Variants in TMX3 observed in about 807,000 individuals in gnomAD.
TMX3 encodes protein disulfide-isomerase TMX3.
A neutral mutation model predicts 64.4 loss-of-function variants in TMX3; 40 were observed. That is an observed-to-expected ratio of 0.62 (90% CI 0.48 to 0.81). TMX3 has a LOEUF of 0.81. Among genes scored for constraint, TMX3 ranks in the 30% least tolerant of loss-of-function variants. The probability of loss-of-function intolerance (pLI) is 0.00; values close to 1 mark genes in which losing one functional copy is unlikely to be tolerated. For missense variants in TMX3, 497 were observed against 534.5 expected (o/e 0.93, Z 0.69); for synonymous variants, 189 against 175.7 (o/e 1.08, Z -0.60).
intron 5 of TMX3, chr18:68,700,815 T>C: frequency 1.0e-6 from 1 of 985,184 alleles, no homozygotes; most frequent in South Asian, 4.7e-5. Context: ...TCTCATTACC[T>C]TCCCTGTCAA....
intron 9 of TMX3, chr18:68,688,429 A>G (rs1914179423): frequency 6.6e-6 from 1 of 152,220 alleles, no homozygotes; most frequent in African/African-American, 2.4e-5. Context: ...TATAATATCT[A>G]AGAGAAATAT....
intron 5 of TMX3, among the ~76,000 whole-genome samples, chr18:68,701,292 T>G (rs1006161470): frequency 6.6e-6 from 1 of 152,090 alleles, no homozygotes; most frequent in Non-Finnish European, 1.5e-5. Context: ...AAAATAAGAT[T>G]AATGAAAATC....
chr18:68,693,759 C>T (rs527908595), intron 8 of TMX3, among the ~76,000 whole-genome samples: 1 of 152,122 alleles, frequency 6.6e-6, no homozygotes, highest in African/African-American at 2.4e-5. Context: ...CCAGTAAAAC[C>T]CCAACTTCAG....
At chr18:68,703,802 T>C (rs1171105344) in intron 4 of TMX3, among the ~76,000 whole-genome samples, 2 of 151,810 alleles carry the variant, frequency 1.3e-5, no homozygotes, top group South Asian at 2.1e-4. Context: ...CGGTGGCGGG[T>C]GCCTGTAGTC....
intron 1 of TMX3, 131 bp from the exon 2 acceptor site, chr18:68,714,031 G>T (rs902602722): frequency 2.2e-6 from 1 of 462,202 alleles, no homozygotes; most frequent in Non-Finnish European, 3.9e-6. Flanking sequence ...TGCATCCCAG[G>T]GTGCAAATGA....
chr18:68,696,897 CACAT>C (rs1915139088), intron 8 of TMX3: 2 of 231,162 alleles, frequency 8.7e-6, no homozygotes, highest in South Asian at 5.8e-5. Flanking sequence ...CACACACACA[CACAT>C]ACGCACGCAA....
rs1317372436 is a variant in TMX3, at chr18:68,674,232, A to C, written c.*2701T>G. ...AAAGAAAATGAAAATTCTAGGTCTA[A>C]TACATGTTAAACAAGTTTCAGGTAA... On this transcript the variant is annotated 3_prime_UTR_variant, in exon 16 of 16. Coordinates refer to ENST00000299608, the MANE Select transcript of TMX3 (RefSeq NM_019022.5). The C allele has an allele frequency of 2.6e-5, 4 of 152,156 alleles. No individual in the cohort carries two copies. Among genetic ancestry groups the C allele is most frequent in the Admixed American group, 2.6e-4 (4 of 15,262 alleles). The allele number at this position is 152,156 out of a possible 1,614,324, so 9.4% of individuals were successfully genotyped here.
intron 2 of TMX3, 30 bp from the exon 3 acceptor site, chr18:68,711,433 G>C (rs761397754): frequency 9.9e-6 from 15 of 1,517,620 alleles, no homozygotes; most frequent in Non-Finnish European, 1.4e-5. Context: ...ATGTTTGATT[G>C]TATGTTTGTG....
At chr18:68,681,351 T>A in intron 13 of TMX3, 1 of 660,162 alleles carries the variant, frequency 1.5e-6, no homozygotes, top group Non-Finnish European at 2.0e-6. Context: ...CTTTTCAAAT[T>A]ATCAAAAATC....
chr18:68,679,181 C>T (rs1913190490), intron 15 of TMX3, among the ~76,000 whole-genome samples: 1 of 152,058 alleles, frequency 6.6e-6, no homozygotes, highest in South Asian at 2.1e-4. Context: ...ATAGAAATTA[C>T]TAAGTAAAAA....
intron 6 of TMX3, among the ~76,000 whole-genome samples, chr18:68,699,743 C>A (rs150880969): frequency 1.3e-5 from 2 of 151,930 alleles, no homozygotes; most frequent in Non-Finnish European, 2.9e-5. Flanking sequence ...TCTTTATATC[C>A]CATCAAAATG....
intron 6 of TMX3, among the ~76,000 whole-genome samples, chr18:68,699,153 T>G (rs1380136267): frequency 6.6e-6 from 1 of 152,204 alleles, no homozygotes; most frequent in Non-Finnish European, 1.5e-5. Flanking sequence ...TTCAAAATTC[T>G]TTATGATGCA....
Position 68,674,408 on chromosome 18 carries a change from G to A in TMX3, c.*2525C>T, listed in dbSNP as rs767290899. On this transcript the variant is annotated 3_prime_UTR_variant, in exon 16 of 16. Coordinates refer to ENST00000299608, the MANE Select transcript of TMX3 (RefSeq NM_019022.5). ...GAGCACCAAATTCTGCAAAAGCAAG[G>A]ATCTAGAATTCCGAATTTTAGAAGT... is the stretch of plus-strand genomic sequence containing the variant. 2 of 152,006 alleles carry A rather than the reference G, an allele frequency of 1.3e-5. No homozygotes were observed. Among genetic ancestry groups the A allele is most frequent in the Admixed American group, 6.6e-5 (1 of 15,258 alleles). 9.4% of individuals were successfully genotyped at this position (152,006 alleles called of 1,614,324 possible). A position where few individuals can be genotyped will look rare whatever the true frequency, so the allele number is the denominator to read the frequency against.
At chr18:68,684,318 G>T in intron 11 of TMX3, 75 bp from the exon 12 acceptor site, 1 of 1,479,548 alleles carries the variant, frequency 6.8e-7, no homozygotes, top group Non-Finnish European at 9.4e-7. Flanking sequence ...AGTATCTGCT[G>T]TCTTACATCT....
intron 2 of TMX3, 128 bp from the exon 3 acceptor site, chr18:68,711,531 T>C: frequency 1.9e-6 from 1 of 537,322 alleles, no homozygotes; most frequent in East Asian, 3.3e-5. Context: ...ATACTTTACA[T>C]AAAATTTTTA....
rs1912735014 is a variant in TMX3 at position 68,674,045 on chromosome 18, A to C, written c.*2888T>G. 1 of 152,156 alleles carries C rather than the reference A, an allele frequency of 6.6e-6. No individual in the cohort carries two copies. Among genetic ancestry groups the C allele is most frequent in the African/African-American group, 2.4e-5 (1 of 41,458 alleles). The allele number at this position is 152,156 out of a possible 1,614,324, so 9.4% of individuals were successfully genotyped here. On this transcript the variant is annotated 3_prime_UTR_variant, in exon 16 of 16. Transcript: ENST00000299608. The stretch of plus-strand genomic sequence containing the variant: ...TACTTTTTGCAACACCAAAATAAAA[A>C]GGTCCCAAAGCAAAACACACACAAA...
chr18:68,695,411 T>C (rs1914963353), intron 8 of TMX3, among the ~76,000 whole-genome samples: 1 of 152,214 alleles, frequency 6.6e-6, no homozygotes, highest in Admixed American at 6.5e-5. Context: ...AGCCTTGACT[T>C]AACTCTAGAC....
Position 68,714,937 on chromosome 18 carries a change from T to C in TMX3, c.45A>G (p.Thr15=). 1.9e-6 allele frequency: 3 copies of C among 1,565,170 alleles called. No individual in the cohort carries two copies. The highest frequency in any genetic ancestry group is 2.6e-6 in the Non-Finnish European group (3 of 1,155,518). ...KSWTALRLCA[T]VVVLDMVVCK... ...TCCCGACCGCTGAGCCCCCATTACCTGTGGCGCAGAGCCGCAGGGCCGTCC... is the reference window on the plus strand; with the variant it reads ...TCCCGACCGCTGAGCCCCCATTACCCGTGGCGCAGAGCCGCAGGGCCGTCC... Residue 15 remains threonine, a splice_region_variant and synonymous_variant, in exon 1 of 16, where the codon ACA becomes ACG. Transcript: ENST00000299608.
chr18:68,701,555 C>T (rs2030065185), intron 5 of TMX3, 190 bp downstream of exon 5: 5 of 1,359,270 alleles, frequency 3.7e-6, no homozygotes, highest in Admixed American at 2.1e-5. Flanking sequence ...CCATAAACAA[C>T]ATGATTGCTT....
Sources: allele counts gnomAD v4.1 joint callset (sites outside exome capture counted in the v4.1 genomes callset), GRCh38; gene constraint gnomAD v4.1.1; transcripts MANE v1.5; gene names NCBI Gene and HGNC (gene_info 2026-07-23, HGNC 2026-07-21).